MSRA: variants seen among roughly 807,000 people sequenced by gnomAD.
The protein encoded by MSRA is methionine sulfoxide reductase A.
In MSRA, 54 loss-of-function variants were observed where a neutral mutation model predicts 31.3. That is an observed-to-expected ratio of 1.73 (90% CI 1.39 to 2.17). The LOEUF (loss-of-function observed/expected upper bound fraction) is 2.17. Ranked by LOEUF, MSRA falls within the 30% of genes most tolerant of loss-of-function variation. The probability of loss-of-function intolerance (pLI) is 0.00; values close to 1 mark genes in which losing one functional copy is unlikely to be tolerated. For synonymous variants in MSRA, 169 were observed against 116.5 expected, an observed-to-expected ratio of 1.45 and a Z score of -2.90; for missense variants, 507 against 300.9, an observed-to-expected ratio of 1.69 and a Z score of -5.07.
At chr8:10,404,531 C>T (rs941100867) in intron 5 of MSRA, among the ~76,000 whole-genome samples, 2 of 152,348 alleles carry the variant, frequency 1.3e-5, no homozygotes, top group Middle Eastern at 3.4e-3. Flanking sequence ...TAGGCCATCC[C>T]GGGCGGCCGC....
chr8:10,270,549 A>T (rs551680364), intron 3 of MSRA, among the ~76,000 whole-genome samples: 24 of 152,304 alleles, frequency 1.6e-4, no homozygotes, highest in African/African-American at 5.5e-4. Flanking sequence ...GGATGCTCAT[A>T]AGGACTGCTA....
chr8:10,203,042 A>C (rs17151312), intron 1 of MSRA, among the ~76,000 whole-genome samples: 2,788 of 152,112 alleles, frequency 0.018, 90 homozygotes, highest in African/African-American at 0.063. Flanking sequence ...TGTAAGACTC[A>C]GCTGTATTTC....
At chr8:10,069,473 C>T (rs145657834) in intron 1 of MSRA, among the ~76,000 whole-genome samples, 3 of 152,190 alleles carry the variant, frequency 2.0e-5, no homozygotes, top group Admixed American at 6.5e-5. Flanking sequence ...TATAAAGAAA[C>T]GTATTTTCTC....
intron 3 of MSRA, among the ~76,000 whole-genome samples, chr8:10,285,763 A>C (rs2129111233): frequency 6.6e-6 from 1 of 152,080 alleles, no homozygotes; most frequent in South Asian, 2.1e-4. Context: ...CTATGCCTGG[A>C]TTGTTTCAGT....
intron 3 of MSRA, among the ~76,000 whole-genome samples, chr8:10,258,918 C>T (rs1309776815): frequency 6.6e-6 from 1 of 152,124 alleles, no homozygotes; most frequent in Non-Finnish European, 1.5e-5. Flanking sequence ...ACCAGCCTGG[C>T]CAACATGTCG....
At chr8:10,155,413 A>G (rs753754652) in intron 1 of MSRA, among the ~76,000 whole-genome samples, 1 of 152,212 alleles carries the variant, frequency 6.6e-6, no homozygotes, top group Non-Finnish European at 1.5e-5. Context: ...TTGTGGTTGT[A>G]TCAACTGAAG....
At chr8:10,063,005 C>T (rs904726799) in intron 1 of MSRA, among the ~76,000 whole-genome samples, 11 of 152,176 alleles carry the variant, frequency 7.2e-5, no homozygotes, top group Non-Finnish European at 1.2e-4. Flanking sequence ...CAACCACCCT[C>T]GTCTGAAAGC....
chr8:10,322,959 A>G (rs950290734), intron 5 of MSRA, among the ~76,000 whole-genome samples: 2 of 152,040 alleles, frequency 1.3e-5, no homozygotes, highest in African/African-American at 2.4e-5. Context: ...GCGTGGTTAC[A>G]CGCACCTGTA....
intron 1 of MSRA, among the ~76,000 whole-genome samples, chr8:10,128,974 C>G (rs1366438347): frequency 6.6e-6 from 1 of 152,160 alleles, no homozygotes; most frequent in African/African-American, 2.4e-5. Context: ...TTACTTAACC[C>G]TTTACGCTAT....
chr8:10,323,745 C>CGTGTGTTTGTGTGT (rs1554526753), intron 5 of MSRA, among the ~76,000 whole-genome samples: 1 of 142,622 alleles, frequency 7.0e-6, no homozygotes, highest in Admixed American at 7.1e-5. Flanking sequence ...GAATTAAATA[C>CGTGTGTTTGTGTGT]GTGTGTGTGT....
At chr8:10,252,869 C>T (rs1258983887) in intron 3 of MSRA, among the ~76,000 whole-genome samples, 2 of 152,192 alleles carry the variant, frequency 1.3e-5, no homozygotes, top group Non-Finnish European at 2.9e-5. Flanking sequence ...CCTTCATCCA[C>T]CGGTTCTAAA....
At chr8:10,191,615 C>T (rs1219811548) in intron 1 of MSRA, among the ~76,000 whole-genome samples, 3 of 152,068 alleles carry the variant, frequency 2.0e-5, no homozygotes, top group African/African-American at 7.2e-5. Flanking sequence ...TGCCAGCACA[C>T]GAGGGAACAA....
intron 5 of MSRA, among the ~76,000 whole-genome samples, chr8:10,370,600 G>A (rs1157073458): frequency 6.6e-6 from 1 of 152,200 alleles, no homozygotes; most frequent in Non-Finnish European, 1.5e-5. Flanking sequence ...CAAAGTCCTG[G>A]TCACCGCCTT....
intron 1 of MSRA, among the ~76,000 whole-genome samples, chr8:10,116,849 C>T (rs1251484353): frequency 6.6e-6 from 1 of 152,144 alleles, no homozygotes; most frequent in East Asian, 1.9e-4. Flanking sequence ...TGCCTGTAAT[C>T]CCAGCTACTT....
chr8:10,074,426 C>G (rs1159018338), intron 1 of MSRA, among the ~76,000 whole-genome samples: 1 of 151,884 alleles, frequency 6.6e-6, no homozygotes, highest in African/African-American at 2.4e-5. Context: ...AAGTTTGTTG[C>G]TTTCACTGAA....
intron 5 of MSRA, among the ~76,000 whole-genome samples, chr8:10,356,209 G>A (rs1166883603): frequency 6.6e-6 from 1 of 152,206 alleles, no homozygotes; most frequent in Non-Finnish European, 1.5e-5. Context: ...AACATTCTAT[G>A]TTGTTTTCCG....
chr8:10,374,125 A>G (rs1230377527), intron 5 of MSRA, among the ~76,000 whole-genome samples: 3 of 152,208 alleles, frequency 2.0e-5, no homozygotes, highest in Admixed American at 2.0e-4. Context: ...TGTTCAGTGT[A>G]GTGAGCTGAT....
intron 3 of MSRA, among the ~76,000 whole-genome samples, chr8:10,281,565 A>C (rs1799624547): frequency 6.6e-6 from 1 of 152,238 alleles, no homozygotes; most frequent in African/African-American, 2.4e-5. Context: ...TGCAGTGAAC[A>C]TAGGAGCCAG....
chr8:10,401,906 G>A (rs1299722860), intron 5 of MSRA, among the ~76,000 whole-genome samples: 1 of 152,180 alleles, frequency 6.6e-6, no homozygotes, highest in African/African-American at 2.4e-5. Flanking sequence ...GCTGAGGAAA[G>A]GGGGAGTTAT....
Sources: gnomAD v4.1 joint callset for allele counts (sites outside exome capture counted in the v4.1 genomes callset) on GRCh38, gnomAD v4.1.1 for gene constraint, MANE v1.5 for transcripts, NCBI Gene and HGNC (gene_info 2026-07-23, HGNC 2026-07-21) for gene names.